IL18BP: variants seen among roughly 807,000 people sequenced by gnomAD.
IL18BP encodes interleukin 18 binding protein, also known as interleukin-18-binding protein.
IL18BP carries 23 observed loss-of-function variants against 19.9 expected under a neutral mutation model. The ratio of observed to expected loss-of-function variants is 1.15; its 90% CI spans 0.83 to 1.64. The LOEUF is 1.64. IL18BP is among the 40% of genes most tolerant of loss of function. IL18BP has a pLI of 0.00. For missense variants in IL18BP, 239 were observed against 240.7 expected (o/e 0.99, Z 0.05); for synonymous variants, 107 against 101.0 (o/e 1.06, Z -0.35).
chr11:72,003,707 T>A, downstream of IL18BP: 1 of 1,011,192 alleles, frequency 9.9e-7, no homozygotes, highest in Non-Finnish European at 1.5e-6. Flanking sequence ...GTGCTCTCCA[T>A]GAGAATGGGG....
chr11:72,004,898 C>G, downstream of IL18BP: 8 of 1,336,400 alleles, frequency 6.0e-6, no homozygotes, highest in Non-Finnish European at 8.1e-6. Context: ...GAACTCTACA[C>G]TCGCCCGACA....
At chr11:72,003,398 A>G (rs5743680), downstream of IL18BP, 4,244 of 909,532 alleles carry the variant, frequency 4.7e-3, 104 homozygotes, top group African/African-American at 0.061. Context: ...GGCAGGCATC[A>G]CTGTCTCTAG....
intron 1 of IL18BP, 81 bp downstream of exon 1, chr11:71,999,100 G>A (rs756195542): frequency 2.0e-6 from 1 of 507,254 alleles, no homozygotes; most frequent in Non-Finnish European, 3.9e-6. Flanking sequence ...GGGTGTGATG[G>A]TGGGTGCTGG....
chr11:72,007,697 C>A, downstream of IL18BP: 1 of 525,106 alleles, frequency 1.9e-6, no homozygotes, highest in Non-Finnish European at 3.4e-6. Flanking sequence ...CCCATGGCTG[C>A]TTCACAGCAA....
At position 71,999,997 on chromosome 11, in the gene IL18BP, CACA is replaced by C; in HGVS notation, c.16_18del (p.Asn6del). On this transcript the variant is annotated inframe_deletion, in exon 2 of 6. Coordinates refer to ENST00000393703, the MANE Select transcript of IL18BP (RefSeq NM_001039660.2). ...TGACGCATGCATCATGACCATGAGA[CACA>C]ACTGGACACCAGGTAGGCCTTGGGG... is the stretch of plus-strand genomic sequence containing the variant. The C allele has an allele frequency of 6.2e-7, 1 of 1,613,906 alleles. No individual in the cohort carries two copies. The highest frequency in any genetic ancestry group is 8.5e-7 in the Non-Finnish European group (1 of 1,179,818).
downstream of IL18BP, chr11:72,006,184 A>G (rs906146486): frequency 1.2e-6 from 2 of 1,614,148 alleles, no homozygotes; most frequent in Non-Finnish European, 1.7e-6. Context: ...GGTGGCTCGC[A>G]GGCTAGCCTG....
Position 72,001,213 on chromosome 11 carries a change from G to GCT in IL18BP, c.249_250dup (p.Leu84SerfsTer57). 2 of 1,614,188 alleles carry GCT rather than the reference G, an allele frequency of 1.2e-6. No individual in the cohort carries two copies. Among genetic ancestry groups the GCT allele is most frequent in the Non-Finnish European group, 1.7e-6 (2 of 1,180,032 alleles). On this transcript the variant is annotated frameshift_variant, in exon 4 of 6. Coordinates refer to ENST00000393703, the MANE Select transcript of IL18BP (RefSeq NM_001039660.2). LOFTEE classifies it high-confidence loss of function. ...CCTGTGTCCCTAGATGGAACGCTGA[G>GCT]CTTATCCTGTGTGGCCTGCAGCCGC...
At chr11:72,006,211 C>G, downstream of IL18BP, 5 of 1,614,148 alleles carry the variant, frequency 3.1e-6, no homozygotes, top group Non-Finnish European at 4.2e-6. Context: ...AGGAGCAGAC[C>G]GCGTGCTGTA....
downstream of IL18BP, chr11:72,005,140 G>A (rs1443458575): frequency 6.6e-6 from 9 of 1,369,638 alleles, no homozygotes; most frequent in African/African-American, 8.9e-5. Context: ...GCCAGTCAGT[G>A]ATCCAGGGCC....
At chr11:72,005,438 T>C, downstream of IL18BP, 3 of 1,476,328 alleles carry the variant, frequency 2.0e-6, no homozygotes, top group Non-Finnish European at 2.8e-6. Context: ...CCCTGGCATC[T>C]TGCCAGCCTT....
In IL18BP at chr11:72,002,038, G is replaced by A. The variant is rs531282071; in HGVS notation, c.*177G>A. The A allele has an allele frequency of 7.1e-6, 6 of 845,326 alleles. No individual in the cohort carries two copies. Among genetic ancestry groups the A allele is most frequent in the South Asian group, 5.3e-5 (3 of 56,534 alleles). 52.4% of individuals were successfully genotyped at this position (845,326 alleles called of 1,614,324 possible). On this transcript the variant is annotated 3_prime_UTR_variant, in exon 6 of 6. Transcript: ENST00000393703. ...TTCAAACTCCATTCCCACCTACCTA[G>A]AAAATCACAGCCTCCTTATAATGCC...
At chr11:72,007,957 T>C, downstream of IL18BP, 3 of 377,706 alleles carry the variant, frequency 7.9e-6, no homozygotes, top group Non-Finnish European at 1.6e-5. Flanking sequence ...CAGAGGAAGA[T>C]GAGTGGTGAC....
chr11:71,999,254 G>A (rs1169236202), intron 1 of IL18BP: 1 of 445,888 alleles, frequency 2.2e-6, no homozygotes, highest in Non-Finnish European at 4.5e-6. Flanking sequence ...CCCCTTGAAT[G>A]TCAGTGTGAA....
chr11:72,000,282 A>T, intron 2 of IL18BP, 69 bp from the exon 3 acceptor site: 3 of 1,368,770 alleles, frequency 2.2e-6, no homozygotes, highest in Non-Finnish European at 3.1e-6. Context: ...TCTGGGCTGG[A>T]GTTACATCCT....
At chr11:72,006,696 T>C (rs961870241), downstream of IL18BP, among the ~76,000 whole-genome samples, 1 of 152,142 alleles carries the variant, frequency 6.6e-6, no homozygotes, top group Non-Finnish European at 1.5e-5. Flanking sequence ...CTTACCATGT[T>C]CCAGAACTTC....
downstream of IL18BP, chr11:72,003,144 G>T: frequency 3.4e-6 from 1 of 289,892 alleles, no homozygotes. Flanking sequence ...CACCAGGACA[G>T]CAGGAACCAG....
chr11:72,000,036 G>T, intron 2 of IL18BP, 24 bp downstream of exon 2: 1 of 1,613,498 alleles, frequency 6.2e-7, no homozygotes, highest in South Asian at 1.1e-5. Flanking sequence ...CTACGCATGG[G>T]CAGGCGGGGT....
downstream of IL18BP, chr11:72,005,569 G>C: frequency 1.8e-6 from 1 of 567,186 alleles, no homozygotes; most frequent in Non-Finnish European, 3.1e-6. Flanking sequence ...CCTTCTCCCT[G>C]GAGAGGGCAG....
downstream of IL18BP, chr11:72,003,885 AC>A: frequency 3.1e-6 from 5 of 1,613,200 alleles, no homozygotes; most frequent in East Asian, 1.1e-4. Context: ...CAGTGCCTCT[AC>A]CTTGCCCTTG....
Sources: gnomAD v4.1 joint callset for allele counts (sites outside exome capture counted in the v4.1 genomes callset) on GRCh38, gnomAD v4.1.1 for gene constraint, MANE v1.5 for transcripts, NCBI Gene and HGNC (gene_info 2026-07-23, HGNC 2026-07-21) for gene names.